The following ZFP1 variants were observed in gnomAD, a reference collection of about 807,000 sequenced individuals.
ZFP1 encodes the protein zinc finger protein 1 homolog.
A neutral mutation model predicts 38.5 loss-of-function variants in ZFP1; 32 were observed. The observed-to-expected ratio is 0.83, with a 90% CI of 0.63 to 1.12. The LOEUF (loss-of-function observed/expected upper bound fraction) is 1.12. Among genes scored for constraint, ZFP1 ranks in the 50% most tolerant of loss-of-function variants. The probability of loss-of-function intolerance (pLI) is 0.00; values close to 1 mark genes in which losing one functional copy is unlikely to be tolerated. For missense variants in ZFP1, 616 were observed against 480.8 expected, an observed-to-expected ratio of 1.28 and a Z score of -2.63; for synonymous variants, 245 against 168.8, an observed-to-expected ratio of 1.45 and a Z score of -3.50.
At chr16:75,159,279 T>A in intron 2 of ZFP1, among the ~76,000 whole-genome samples, 1 of 102,418 alleles carries the variant, frequency 9.8e-6, no homozygotes, top group Non-Finnish European at 2.1e-5. Context: ...TTCCCTCACT[T>A]CCCTTCCTTC....
intron 2 of ZFP1, among the ~76,000 whole-genome samples, chr16:75,161,226 G>T (rs148629666): frequency 6.6e-6 from 1 of 151,840 alleles, no homozygotes; most frequent in African/African-American, 2.4e-5. Flanking sequence ...GCGCCACCAC[G>T]CCTGGCTAAT....
chr16:75,170,155 G>T lies in ZFP1; in HGVS notation c.1045G>T (p.Glu349Ter). The change falls in exon 4 of 4, where the codon GAG (glutamate) becomes TAG (stop). Residue 349 changes from glutamate (E) to a stop codon, truncating the protein, a stop_gained. Transcript: ENST00000570010. LOFTEE classifies it high-confidence loss of function. ...CATACACATGAGAACTCATACAGGA[G>T]AGAAACCCTATGAATGTACTGAGTG... ...LIIHMRTHTG[E>*]KPYECTECGK... 1 of 1,614,152 alleles carries T rather than the reference G, an allele frequency of 6.2e-7. No individual in the cohort carries two copies. The highest frequency in any genetic ancestry group is 8.5e-7 in the Non-Finnish European group (1 of 1,180,020).
Position 75,152,986 on chromosome 16 carries a change from C to T in ZFP1, c.15+20C>T, listed in dbSNP as rs763830839. On this transcript the variant is annotated intron_variant, in intron 2 of 3. Transcript: ENST00000570010. ...TCCCAGGTGAGTTGTTTGTTTATTC[C>T]CCATTTTGCTTTTCAGTGCATTTAA... The T allele has an allele frequency of 7.4e-6, 12 of 1,612,316 alleles. No individual in the cohort carries two copies. Among genetic ancestry groups the T allele is most frequent in the East Asian group, 2.2e-5 (1 of 44,764 alleles).
chr16:75,138,390 A>G, the ZFP1 span, among the ~76,000 whole-genome samples: 1 of 152,198 alleles, frequency 6.6e-6, no homozygotes, highest in Non-Finnish European at 1.5e-5. Flanking sequence ...CAAAGAGTAC[A>G]GAATAAAAAG....
chr16:75,122,855 G>A, the ZFP1 span, among the ~76,000 whole-genome samples: 1 of 152,202 alleles, frequency 6.6e-6, no homozygotes, highest in Admixed American at 6.5e-5. Context: ...GAGTCACTTA[G>A]GTGCAATCTT....
At chr16:75,155,445 G>T (rs2037423205) in intron 2 of ZFP1, among the ~76,000 whole-genome samples, 1 of 152,118 alleles carries the variant, frequency 6.6e-6, no homozygotes, top group Non-Finnish European at 1.5e-5. Context: ...CCAATTATGT[G>T]TTTTTTAAAT....
At chr16:75,159,269 T>TTCCC (rs1567530243) in intron 2 of ZFP1, among the ~76,000 whole-genome samples, 1 of 138,498 alleles carries the variant, frequency 7.2e-6, no homozygotes, top group African/African-American at 2.7e-5. Flanking sequence ...TTTCCCTTCC[T>TTCCC]TCCCTCACTT....
At chr16:75,144,366 G>A (rs1050478307), upstream of ZFP1, among the ~76,000 whole-genome samples, 1 of 151,992 alleles carries the variant, frequency 6.6e-6, no homozygotes, top group Non-Finnish European at 1.5e-5. Flanking sequence ...CCCCCACGTG[G>A]GTAATACACA....
rs60375154 is a variant in ZFP1 at position 75,152,177 on chromosome 16, G to T, written c.-43-732G>T. Among the ~76,000 whole-genome samples the T allele has an allele frequency of 1.8e-3, 274 of 152,234 alleles. 3 individuals are homozygous for T. Among genetic ancestry groups the T allele is most frequent in the African/African-American group, 6.4e-3 (265 of 41,568 alleles). On this transcript the variant is annotated intron_variant, in intron 1 of 3. Coordinates refer to ENST00000570010, the MANE Select transcript of ZFP1 (RefSeq NM_153688.4). ...TTGTTTGGATACGATGTGTCCATGT[G>T]TGTTTTTGTTTGAGTTTAGTTTTTG...
At chr16:75,136,404 G>C in the ZFP1 span, among the ~76,000 whole-genome samples, 1 of 152,182 alleles carries the variant, frequency 6.6e-6, no homozygotes, top group Non-Finnish European at 1.5e-5. Flanking sequence ...TGGAACAATA[G>C]TCAATAGTTG....
chr16:75,161,307 G>GT (rs1347803923), intron 2 of ZFP1, among the ~76,000 whole-genome samples: 17 of 151,906 alleles, frequency 1.1e-4, no homozygotes, highest in Non-Finnish European at 1.6e-4. Context: ...GGCTACAAGT[G>GT]ATCTCCCCGC....
At chr16:75,148,284 T>G (rs1300127422), upstream of ZFP1, among the ~76,000 whole-genome samples, 1 of 152,156 alleles carries the variant, frequency 6.6e-6, no homozygotes, top group East Asian at 1.9e-4. Flanking sequence ...GGTGGTGAAT[T>G]GTAGTTCACG....
At chr16:75,139,385 A>ACAAAAC in the ZFP1 span, among the ~76,000 whole-genome samples, 7 of 146,834 alleles carry the variant, frequency 4.8e-5, no homozygotes, top group African/African-American at 1.8e-4. Flanking sequence ...AAAAAAAAAA[A>ACAAAAC]AAAAAAAAAA....
chr16:75,125,900 G>C, the ZFP1 span, among the ~76,000 whole-genome samples: 1 of 151,818 alleles, frequency 6.6e-6, no homozygotes, highest in African/African-American at 2.4e-5. Flanking sequence ...AAATTAGCCA[G>C]GCATGATGGC....
the ZFP1 span, among the ~76,000 whole-genome samples, chr16:75,130,661 T>C: frequency 4.6e-5 from 7 of 152,142 alleles, no homozygotes; most frequent in Non-Finnish European, 8.8e-5. Flanking sequence ...ACTGTTATTT[T>C]AGAGAAACAG....
At chr16:75,152,479 G>C (rs971309786) in intron 1 of ZFP1, among the ~76,000 whole-genome samples, 3 of 152,170 alleles carry the variant, frequency 2.0e-5, no homozygotes, top group Non-Finnish European at 2.9e-5. Flanking sequence ...CCTGCTGAAA[G>C]ATCAACTCTG....
the ZFP1 span, among the ~76,000 whole-genome samples, chr16:75,136,572 C>T: frequency 2.0e-5 from 3 of 152,064 alleles, no homozygotes; most frequent in Non-Finnish European, 1.5e-5. Flanking sequence ...ACATATAGAA[C>T]TATTTATAGA....
intron 2 of ZFP1, among the ~76,000 whole-genome samples, chr16:75,165,635 C>A (rs762663832): frequency 6.6e-6 from 1 of 152,156 alleles, no homozygotes; most frequent in East Asian, 1.9e-4. Context: ...GATCCGCCCA[C>A]CTCGGCTTCC....
the ZFP1 span, among the ~76,000 whole-genome samples, chr16:75,136,177 G>A: frequency 2.0e-5 from 3 of 152,176 alleles, no homozygotes; most frequent in Non-Finnish European, 4.4e-5. Flanking sequence ...AATGCAGATG[G>A]TGGCAAGAGA....
Sources: allele counts gnomAD v4.1 joint callset (sites outside exome capture counted in the v4.1 genomes callset), GRCh38; gene constraint gnomAD v4.1.1; transcripts MANE v1.5; gene names NCBI Gene and HGNC (gene_info 2026-07-23, HGNC 2026-07-21).